The following CTBP2 variants were observed in gnomAD, a reference collection of about 807,000 sequenced individuals.
CTBP2 encodes C-terminal-binding protein 2.
A neutral mutation model predicts 80.3 loss-of-function variants in CTBP2; 30 were observed. The ratio of observed to expected loss-of-function variants is 0.37; its 90% CI spans 0.28 to 0.51. CTBP2 has a LOEUF of 0.51. Ranked by LOEUF, CTBP2 falls within the 20% of genes least tolerant of loss-of-function variation. The pLI is 0.93. For missense variants in CTBP2, 1,212 were observed against 1,375.3 expected (o/e 0.88, Z 1.88); for synonymous variants, 594 against 587.4 (o/e 1.01, Z -0.16).
chr10:125,116,945 C>T (rs1026359418), intron 1 of CTBP2, among the ~76,000 whole-genome samples: 1 of 152,216 alleles, frequency 6.6e-6, no homozygotes, highest in Admixed American at 6.5e-5. Context: ...TGACTCGAGG[C>T]CATGAGAAGC....
In CTBP2 at chr10:125,026,171, C is replaced by T. The variant is rs200667968; in HGVS notation, c.1589G>A (p.Ser530Asn). 1.9e-6 allele frequency: 3 copies of T among 1,611,704 alleles called. No homozygotes were observed. Among genetic ancestry groups the T allele is most frequent in the Admixed American group, 3.3e-5 (2 of 59,924 alleles). Residue 530 changes from serine (S) to asparagine (N), a missense_variant, in exon 1 of 9, where the codon AGC becomes AAC. Physicochemically the swap from Ser to Asn is conservative, Grantham distance 46. Coordinates refer to ENST00000309035, the MANE Select transcript of CTBP2 (RefSeq NM_022802.3). ...GTACGGTGAGTGAGGCGTGTGGAGG[C>T]TCTGGCTGGCCGGCGGCAGGGTGGA...
At chr10:125,048,941 T>A (rs1377081051) in intron 2 of CTBP2, among the ~76,000 whole-genome samples, 1 of 152,094 alleles carries the variant, frequency 6.6e-6, no homozygotes, top group Non-Finnish European at 1.5e-5. Context: ...TGGTAGACAC[T>A]AATTTAGAAA....
At chr10:125,153,146 C>G (rs536566165) in intron 1 of CTBP2, among the ~76,000 whole-genome samples, 1 of 152,246 alleles carries the variant, frequency 6.6e-6, no homozygotes, top group Admixed American at 6.5e-5. Flanking sequence ...GCCACATGAC[C>G]GCACAGAGGA....
intron 2 of CTBP2, among the ~76,000 whole-genome samples, chr10:125,070,411 G>C (rs549153949): frequency 6.6e-6 from 1 of 151,896 alleles, no homozygotes; most frequent in Non-Finnish European, 1.5e-5. Flanking sequence ...ATAGGGAAAG[G>C]CCAGGTGGGG....
intron 2 of CTBP2, chr10:125,088,139 G>C (rs903812395): frequency 2.6e-5 from 4 of 152,222 alleles, no homozygotes; most frequent in African/African-American, 9.7e-5. Flanking sequence ...AAACTGAAAA[G>C]GGACAAAAGA....
chr10:125,101,168 T>C lies in CTBP2; in HGVS notation c.-102+9822A>G, dbSNP rs1357597937. 3.3e-5 allele frequency among the ~76,000 whole-genome samples: 5 copies of C among 152,366 alleles called. No homozygotes were observed. The East Asian group carries it at 7.7e-4, about 23-fold the overall frequency. The stretch of plus-strand genomic sequence containing the variant: ...GTTACAAATCGGCATTTTTAGACTT[T>C]GCCATAAAATGCAGGAGTCCAGACC... On this transcript the variant is annotated intron_variant, in intron 2 of 10. Coordinates refer to the CTBP2 transcript ENST00000337195.
intron 7 of CTBP2, 41 bp from the exon 10 acceptor site, chr10:124,992,853 A>G (rs1222616684): frequency 1.4e-6 from 2 of 1,473,556 alleles, no homozygotes; most frequent in Non-Finnish European, 1.9e-6. Context: ...TATTTTTACA[A>G]ATCACAGTAA....
At chr10:125,087,425 G>T (rs1848157322) in intron 2 of CTBP2, among the ~76,000 whole-genome samples, 1 of 152,098 alleles carries the variant, frequency 6.6e-6, no homozygotes, top group African/African-American at 2.4e-5. Flanking sequence ...GTGGCATGAT[G>T]CGCTGGGCCG....
At chr10:125,098,914 T>A (rs1393348528) in intron 2 of CTBP2, among the ~76,000 whole-genome samples, 1 of 152,004 alleles carries the variant, frequency 6.6e-6, no homozygotes, top group African/African-American at 2.4e-5. Flanking sequence ...GCCCCCTCCA[T>A]CCCCACCACT....
intron 2 of CTBP2, among the ~76,000 whole-genome samples, chr10:125,039,550 C>A (rs1013486362): frequency 6.6e-6 from 1 of 152,236 alleles, no homozygotes; most frequent in Non-Finnish European, 1.5e-5. Context: ...CACTGAGATG[C>A]AGACGCACAC....
At chr10:125,145,311 T>C (rs1016367422) in intron 1 of CTBP2, among the ~76,000 whole-genome samples, 8 of 151,928 alleles carry the variant, frequency 5.3e-5, no homozygotes, top group Non-Finnish European at 7.4e-5. Flanking sequence ...GGACGAAGGG[T>C]GGGGCCCTCA....
At chr10:125,139,845 T>C (rs1041885727) in intron 1 of CTBP2, among the ~76,000 whole-genome samples, 1 of 152,096 alleles carries the variant, frequency 6.6e-6, no homozygotes, top group Admixed American at 6.5e-5. Flanking sequence ...CAGCTGCACA[T>C]CACAGAGCAC....
rs1957546160 is a variant in CTBP2 at position 125,026,322 on chromosome 10, A to T, written c.1438T>A (p.Tyr480Asn). ...ATGGGCACCGTGTATGCCGTGGAGT[A>T]GGCTGTTCTGGGGCCTGGGTGAAGG... The change falls in exon 1 of 9, where the codon TAC becomes AAC. Residue 480 changes from tyrosine (Y) to asparagine (N), a missense_variant. Transcript: ENST00000309035. The T allele has an allele frequency of 6.2e-7, 1 of 1,613,836 alleles. No homozygotes were observed. The highest frequency in any genetic ancestry group is 8.5e-7 in the Non-Finnish European group (1 of 1,179,942).
chr10:125,061,508 T>C (rs1445941175), intron 2 of CTBP2, among the ~76,000 whole-genome samples: 4 of 152,158 alleles, frequency 2.6e-5, no homozygotes, highest in African/African-American at 9.7e-5. Flanking sequence ...CTCCTCCTCC[T>C]TGCTCCAAGG....
intron 1 of CTBP2, among the ~76,000 whole-genome samples, chr10:125,150,272 C>G (rs1424052936): frequency 6.6e-6 from 1 of 152,208 alleles, no homozygotes; most frequent in African/African-American, 2.4e-5. Flanking sequence ...CAAACATGGT[C>G]TTACCTATTG....
chr10:125,123,873 G>C (rs1408872558), intron 1 of CTBP2, among the ~76,000 whole-genome samples: 1 of 152,230 alleles, frequency 6.6e-6, no homozygotes, highest in Non-Finnish European at 1.5e-5. Context: ...ACACCCAACA[G>C]AGGGCACGTT....
At chr10:125,130,039 C>CT (rs1855895685) in intron 1 of CTBP2, among the ~76,000 whole-genome samples, 1 of 71,012 alleles carries the variant, frequency 1.4e-5, no homozygotes, top group Non-Finnish European at 3.1e-5. Flanking sequence ...CAGGATTTCT[C>CT]TCTTTTTTTT....
At chr10:125,098,440 T>C (rs1849888763) in intron 2 of CTBP2, among the ~76,000 whole-genome samples, 1 of 152,072 alleles carries the variant, frequency 6.6e-6, no homozygotes, top group Non-Finnish European at 1.5e-5. Context: ...GTCTGGTATA[T>C]GCGTGGTCCG....
intron 1 of CTBP2, among the ~76,000 whole-genome samples, chr10:125,147,043 G>A (rs947563412): frequency 6.6e-6 from 1 of 152,206 alleles, no homozygotes; most frequent in Admixed American, 6.5e-5. Flanking sequence ...CAAACAGGAT[G>A]CCACCAAGCA....
Sources: allele counts gnomAD v4.1 joint callset (sites outside exome capture counted in the v4.1 genomes callset), GRCh38; gene constraint gnomAD v4.1.1; transcripts MANE v1.5; gene names NCBI Gene and HGNC (gene_info 2026-07-23, HGNC 2026-07-21).